ZNF71: variants seen among roughly 807,000 people sequenced by gnomAD.
The protein encoded by ZNF71 is endothelial zinc finger protein induced by tumor necrosis factor alpha.
Under a neutral mutation model 6.7 loss-of-function variants are expected in ZNF71, and 3 were observed. The ratio of observed to expected loss-of-function variants is 0.45; its 90% confidence interval spans 0.20 to 1.16. The LOEUF (loss-of-function observed/expected upper bound fraction) is 1.16. Ranked by LOEUF, ZNF71 falls within the 50% of genes most tolerant of loss-of-function variation. The probability of loss-of-function intolerance (pLI) is 0.25; values close to 1 mark genes in which losing one functional copy is unlikely to be tolerated. For synonymous variants in ZNF71, 343 were observed against 311.1 expected, an observed-to-expected ratio of 1.10 and a Z score of -1.08; for missense variants, 688 against 728.6, an observed-to-expected ratio of 0.94 and a Z score of 0.64.
rs2044687480 is a variant in ZNF71, at chr19:56,603,673, T to C, written c.33+2082T>C. Among the ~76,000 whole-genome samples the C allele has an allele frequency of 6.6e-6, 1 of 152,220 alleles. No individual in the cohort carries two copies. The highest frequency in any genetic ancestry group is 1.5e-5 in the Non-Finnish European group (1 of 68,046). The stretch of plus-strand genomic sequence containing the variant: ...CCTAAGCGATTGCACCATGATGCCT[T>C]CATTTTTGTCTCATCTGTGATTCTT... On this transcript the variant is annotated intron_variant, in intron 2 of 3. Transcript: ENST00000599599. The surrounding 1 kb of genome is among the most constrained non-coding windows in gnomAD (Gnocchi z 4.6).
intron 2 of ZNF71, 112 bp downstream of exon 2, chr19:56,601,703 G>A: frequency 1.4e-6 from 1 of 700,056 alleles, no homozygotes; most frequent in South Asian, 6.4e-5. Flanking sequence ...CTGGGGCTGT[G>A]TCTGCCCTGA....
At position 56,621,534 on chromosome 19, in the gene ZNF71, A is replaced by G. The variant is rs2044848264; in HGVS notation, c.427A>G (p.Asn143Asp). 3 of 1,614,120 alleles carry G rather than the reference A, an allele frequency of 1.9e-6. No individual in the cohort carries two copies. The highest frequency in any genetic ancestry group is 2.5e-6 in the Non-Finnish European group (3 of 1,180,046). Reference sequence around the variant, plus strand: ...ATGTCATGAACTGAAGGCATTTGCCAACCAAGGCTGTGTCCTGGTCCCACC... The same window carrying G: ...ATGTCATGAACTGAAGGCATTTGCCGACCAAGGCTGTGTCCTGGTCCCACC... ...PACHELKAFA[N>D]QGCVLVPPRL... The change falls in exon 4 of 4, where the codon AAC (asparagine) becomes GAC (aspartate). Residue 143 changes from asparagine (N) to aspartate (D), a missense_variant. Coordinates refer to ENST00000599599, the MANE Select transcript of ZNF71 (RefSeq NM_001370215.1).
chr19:56,619,812 A>G (rs1329931891), intron 3 of ZNF71, among the ~76,000 whole-genome samples: 1 of 152,152 alleles, frequency 6.6e-6, no homozygotes, highest in Non-Finnish European at 1.5e-5. Flanking sequence ...CCACGTGGCC[A>G]TATCTTCATG....
At chr19:56,595,597 C>T (rs2044613725) in intron 1 of ZNF71, among the ~76,000 whole-genome samples, 169 bp downstream of exon 1, 1 of 152,002 alleles carries the variant, frequency 6.6e-6, no homozygotes, top group African/African-American at 2.4e-5. Flanking sequence ...TGAGGAGAGG[C>T]CGGGGCCAGG....
intron 2 of ZNF71, among the ~76,000 whole-genome samples, chr19:56,611,186 A>C (rs1166449505): frequency 2.6e-5 from 4 of 152,242 alleles, no homozygotes; most frequent in African/African-American, 2.4e-5. Flanking sequence ...GAGAGAAGGC[A>C]GGCTGGCAGG....
intron 1 of ZNF71, among the ~76,000 whole-genome samples, chr19:56,597,636 T>C (rs895433715): frequency 2.0e-5 from 3 of 152,272 alleles, no homozygotes; most frequent in African/African-American, 7.2e-5. Context: ...CTAACTCTGC[T>C]TCGCAGAGGC....
Position 56,613,392 on chromosome 19 carries a change from C to T in ZNF71, c.34-420C>T, listed in dbSNP as rs1274538489. On this transcript the variant is annotated intron_variant, in intron 2 of 3. Coordinates refer to ENST00000599599, the MANE Select transcript of ZNF71 (RefSeq NM_001370215.1). The surrounding 1 kb of genome is among the most constrained non-coding windows in gnomAD (Gnocchi z 4.6). ...CTGCCATGAGGAACTAGTTCTTGAA[C>T]ATTTTGTGTCTGTATCCCAGCACTG... is the stretch of plus-strand genomic sequence containing the variant. Among the ~76,000 whole-genome samples the T allele has an allele frequency of 6.6e-6, 1 of 152,174 alleles. No homozygotes were observed. Among genetic ancestry groups the T allele is most frequent in the Non-Finnish European group, 1.5e-5 (1 of 68,034 alleles).
intron 3 of ZNF71, among the ~76,000 whole-genome samples, chr19:56,615,965 G>A (rs2044788057): frequency 1.3e-5 from 2 of 152,166 alleles, no homozygotes; most frequent in African/African-American, 4.8e-5. Flanking sequence ...TTTTGTGAGT[G>A]ATGTAAGAAC....
chr19:56,622,136 G>T lies in ZNF71; in HGVS notation c.1029G>T (p.Met343Ile), dbSNP rs1481053274. Reference protein sequence around the residue: ...PECGRAFSQNMHLTEHQRTHT... With the variant: ...PECGRAFSQNIHLTEHQRTHT... ...GCGGGCGAGCCTTCAGCCAGAACAT[G>T]CACCTGACCGAGCACCAGCGCACGC... is the stretch of plus-strand genomic sequence containing the variant. Residue 343 changes from methionine to isoleucine, a missense_variant, in exon 4 of 4, where the codon ATG becomes ATT. Coordinates refer to ENST00000599599, the MANE Select transcript of ZNF71 (RefSeq NM_001370215.1). 1 of 1,611,436 alleles carries T rather than the reference G, an allele frequency of 6.2e-7. No homozygotes were observed. Among genetic ancestry groups the T allele is most frequent in the Non-Finnish European group, 8.5e-7 (1 of 1,179,180 alleles).
rs2044887909 is a variant in ZNF71, at chr19:56,623,963, A to C, written c.*1206A>C. ...TTCCAATATGTGAATACAGGGAAGCACCAACAGACCATATCAGTAACTTCG... is the reference window on the plus strand; with the variant it reads ...TTCCAATATGTGAATACAGGGAAGCCCCAACAGACCATATCAGTAACTTCG... On this transcript the variant is annotated 3_prime_UTR_variant, in exon 4 of 4. Coordinates refer to ENST00000599599, the MANE Select transcript of ZNF71 (RefSeq NM_001370215.1). 6.0e-6 allele frequency: 1 copy of C among 167,132 alleles called. No homozygotes were observed. The highest frequency in any genetic ancestry group is 2.1e-4 in the South Asian group (1 of 4,836). 10.4% of individuals were successfully genotyped at this position (167,132 alleles called of 1,614,324 possible).
chr19:56,606,654 G>A (rs1232523175), intron 2 of ZNF71, among the ~76,000 whole-genome samples: 1 of 152,030 alleles, frequency 6.6e-6, no homozygotes, highest in Admixed American at 6.6e-5. Context: ...GGATGGCACC[G>A]CTGAGGCCTT....
chr19:56,602,931 A>G (rs1050022447), intron 2 of ZNF71, among the ~76,000 whole-genome samples: 1 of 152,028 alleles, frequency 6.6e-6, no homozygotes, highest in African/African-American at 2.4e-5. Context: ...TAGCAGCTAT[A>G]TTTTCTTCCT....
chr19:56,613,886 G>C lies in ZNF71; in HGVS notation c.108G>C (p.Lys36Asn), dbSNP rs1243171644. The change falls in exon 3 of 4, where the codon AAG becomes AAC. Residue 36 changes from lysine (K) to asparagine (N), a missense_variant. Coordinates refer to ENST00000599599, the MANE Select transcript of ZNF71 (RefSeq NM_001370215.1). This position sits in a 1 kb window ranked among gnomAD's most constrained non-coding sequence, Gnocchi z 4.6. The part of the protein sequence containing the change: ...EEWQQLEPAQ[K>N]DLYRDVMLEN... ...GGCAGCAGCTGGAGCCTGCCCAGAA[G>C]GACCTGTACAGGGATGTCATGCTGG... 2 of 1,112,104 alleles carry C rather than the reference G, an allele frequency of 1.8e-6. No individual in the cohort carries two copies. Among genetic ancestry groups the C allele is most frequent in the African/African-American group, 3.3e-5 (2 of 60,110 alleles). The allele number at this position is 1,112,104 out of a possible 1,614,324, so 68.9% of individuals were successfully genotyped here.
chr19:56,622,145 C>G lies in ZNF71; in HGVS notation c.1038C>G (p.Thr346=). 6.2e-7 allele frequency: 1 copy of G among 1,612,016 alleles called. No individual in the cohort carries two copies. Residue 346 remains threonine (T), a synonymous_variant, in exon 4 of 4, where the codon ACC becomes ACG. Coordinates refer to ENST00000599599, the MANE Select transcript of ZNF71 (RefSeq NM_001370215.1). Reference sequence around the variant, plus strand: ...CCTTCAGCCAGAACATGCACCTGACCGAGCACCAGCGCACGCACACCGGGG... The same window carrying G: ...CCTTCAGCCAGAACATGCACCTGACGGAGCACCAGCGCACGCACACCGGGG... ...GRAFSQNMHL[T]EHQRTHTGEK...
rs781265021 is a variant in ZNF71 at position 56,621,806 on chromosome 19, C to A, written c.699C>A (p.Leu233=). ...CGKHFIERSS[L]TIHQRVHTGE... is the part of the protein sequence containing the mutation. ...AGCACTTCATCGAGCGCTCGTCCCT[C>A]ACCATCCACCAGCGGGTGCACACGG... The change falls in exon 4 of 4, where the codon CTC becomes CTA. Residue 233 remains leucine, a synonymous_variant. Coordinates refer to ENST00000599599, the MANE Select transcript of ZNF71 (RefSeq NM_001370215.1). The A allele has an allele frequency of 1.2e-6, 2 of 1,614,004 alleles. No individual in the cohort carries two copies. The highest frequency in any genetic ancestry group is 2.2e-5 in the South Asian group (2 of 91,074).
At chr19:56,612,425 C>T (rs895421948) in intron 2 of ZNF71, among the ~76,000 whole-genome samples, 4 of 151,992 alleles carry the variant, frequency 2.6e-5, no homozygotes, top group Non-Finnish European at 4.4e-5. Context: ...ACACACATAC[C>T]ATGGAATACT....
chr19:56,620,211 C>T (rs894575804), intron 3 of ZNF71, among the ~76,000 whole-genome samples: 8 of 152,110 alleles, frequency 5.3e-5, no homozygotes, highest in African/African-American at 9.7e-5. Flanking sequence ...AGGGCAGGTG[C>T]GTGATGAGCT....
intron 1 of ZNF71, among the ~76,000 whole-genome samples, chr19:56,595,823 T>A (rs1482305497): frequency 3.3e-5 from 5 of 150,902 alleles, no homozygotes; most frequent in Admixed American, 6.6e-5. Flanking sequence ...TATGGCTGTG[T>A]CTCTGGATAT....
At chr19:56,610,511 T>C (rs2044743627) in intron 2 of ZNF71, 1 of 152,238 alleles carries the variant, frequency 6.6e-6, no homozygotes, top group African/African-American at 2.4e-5. Flanking sequence ...ACCTGATTTA[T>C]CCAAACCCCT....
Sources: gnomAD v4.1 joint callset for allele counts (sites outside exome capture counted in the v4.1 genomes callset) on GRCh38, gnomAD v4.1.1 for gene constraint, Gnocchi (gnomAD v3.1) non-coding constraint, MANE v1.5 for transcripts, NCBI Gene and HGNC (gene_info 2026-07-23, HGNC 2026-07-21) for gene names.